CSMD1: variants seen among roughly 807,000 people sequenced by gnomAD.
The protein encoded by CSMD1 is CUB and Sushi multiple domains 1.
Under a neutral mutation model 417.5 loss-of-function variants are expected in CSMD1, and 213 were observed. The ratio of observed to expected loss-of-function variants is 0.51; its 90% CI spans 0.46 to 0.57. The LOEUF is 0.57. CSMD1 is among the 20% of genes least tolerant of loss of function. The pLI is 0.00. For synonymous variants in CSMD1, 2,862 were observed against 1,736.8 expected (o/e 1.65, Z -16.11); for missense variants, 6,923 against 4,529.7 (o/e 1.53, Z -15.17).
chr8:4,100,971 C>T (rs1801274812), intron 3 of CSMD1, among the ~76,000 whole-genome samples: 1 of 152,154 alleles, frequency 6.6e-6, no homozygotes, highest in South Asian at 2.1e-4. Context: ...ACTCCATCAG[C>T]ACAATACTGA....
intron 50 of CSMD1, among the ~76,000 whole-genome samples, chr8:3,049,393 T>C (rs563831808): frequency 6.6e-6 from 1 of 152,242 alleles, no homozygotes; most frequent in South Asian, 2.1e-4. Flanking sequence ...TGGAATATTG[T>C]TCAGTACTAA....
chr8:3,642,117 G>A (rs1022243534), intron 7 of CSMD1, among the ~76,000 whole-genome samples: 1 of 151,606 alleles, frequency 6.6e-6, no homozygotes, highest in Non-Finnish European at 1.5e-5. Context: ...CACTCAAAAT[G>A]GAAACTGGAA....
chr8:3,427,897 G>A (rs2406298), intron 12 of CSMD1, among the ~76,000 whole-genome samples: 8,508 of 152,252 alleles, frequency 0.056, 315 homozygotes, highest in East Asian at 0.17. Context: ...CAGTTTATGA[G>A]CTCAACTGAT....
chr8:3,135,363 T>C (rs1487479494), intron 41 of CSMD1, among the ~76,000 whole-genome samples: 4 of 152,250 alleles, frequency 2.6e-5, no homozygotes, highest in Admixed American at 6.5e-5. Context: ...ATATGTATTA[T>C]GTTGTTTTTC....
chr8:4,661,343 G>T (rs572925101), intron 1 of CSMD1, among the ~76,000 whole-genome samples: 92 of 152,194 alleles, frequency 6.0e-4, no homozygotes, highest in African/African-American at 2.2e-3. Flanking sequence ...GCCATATACT[G>T]GATACATCTT....
chr8:4,724,562 G>GTT lies in CSMD1; in HGVS notation c.86-87006_86-87005dup, dbSNP rs1554458112. On this transcript the variant is annotated intron_variant, in intron 1 of 69. Transcript: ENST00000635120. ...TGTGTGTGTGTGTGTGTGTGTGTGT[G>GTT]TTTATACTCCCAGTGAAATTCTGTT... 8.1e-3 allele frequency among the ~76,000 whole-genome samples: 1,145 copies of GTT among 142,022 alleles called. 23 individuals are homozygous for GTT. The highest frequency in any genetic ancestry group is 0.03 in the African/African-American group (1,096 of 36,388). The allele number at this position is 142,022 out of a possible 152,430, so 93.2% of individuals were successfully genotyped here.
chr8:3,280,656 T>C (rs1479303059), intron 26 of CSMD1, among the ~76,000 whole-genome samples: 2 of 152,174 alleles, frequency 1.3e-5, no homozygotes, highest in African/African-American at 4.8e-5. Context: ...CATTCAATCA[T>C]TTTTTACGTA....
intron 7 of CSMD1, among the ~76,000 whole-genome samples, chr8:3,638,199 G>C (rs141568644): frequency 1.7e-4 from 26 of 152,224 alleles, no homozygotes; most frequent in African/African-American, 5.5e-4. Context: ...AGTTCAGCAA[G>C]TCTTGGAGTT....
At chr8:4,710,822 G>C (rs1181085854) in intron 1 of CSMD1, among the ~76,000 whole-genome samples, 1 of 151,556 alleles carries the variant, frequency 6.6e-6, no homozygotes, top group Non-Finnish European at 1.5e-5. Flanking sequence ...TCTAGCCTGG[G>C]AGACAGAGTA....
At chr8:4,301,085 A>T (rs953237344) in intron 3 of CSMD1, among the ~76,000 whole-genome samples, 2 of 152,196 alleles carry the variant, frequency 1.3e-5, no homozygotes, top group African/African-American at 4.8e-5. Flanking sequence ...GTGGATGCCT[A>T]ATGAGTTCCC....
chr8:3,182,010 A>G (rs1045258793), intron 36 of CSMD1, among the ~76,000 whole-genome samples: 1 of 152,216 alleles, frequency 6.6e-6, no homozygotes, highest in Non-Finnish European at 1.5e-5. Context: ...ATACTCTAGT[A>G]AAAACATTCT....
intron 12 of CSMD1, among the ~76,000 whole-genome samples, chr8:3,443,009 G>C (rs993690337): frequency 6.6e-6 from 1 of 152,104 alleles, no homozygotes; most frequent in Non-Finnish European, 1.5e-5. Context: ...ATAGGAACTT[G>C]CATATTTCTG....
chr8:3,990,077 G>A (rs2688274), intron 5 of CSMD1, among the ~76,000 whole-genome samples: 14,526 of 152,200 alleles, frequency 0.095, 719 homozygotes, highest in East Asian at 0.13. Context: ...TGGAGTGGGC[G>A]CAATGGCCCC....
At chr8:4,180,626 C>G (rs1280416429) in intron 3 of CSMD1, among the ~76,000 whole-genome samples, 2 of 151,274 alleles carry the variant, frequency 1.3e-5, no homozygotes, top group Admixed American at 6.6e-5. Flanking sequence ...CAAAACAGAA[C>G]AAAACAAAAC....
chr8:4,765,848 G>A (rs1407256338), intron 1 of CSMD1, among the ~76,000 whole-genome samples: 2 of 152,128 alleles, frequency 1.3e-5, no homozygotes, highest in Non-Finnish European at 2.9e-5. Context: ...CTTAGTAACT[G>A]GGCTGATTTC....
intron 7 of CSMD1, among the ~76,000 whole-genome samples, chr8:3,650,057 C>T (rs2981361): frequency 0.44 from 67,467 of 151,918 alleles, 15,159 homozygotes; most frequent in Middle Eastern, 0.5. Flanking sequence ...GGCGGGCAGA[C>T]CACTTGAGGT....
At chr8:3,191,768 G>C (rs940069397) in intron 33 of CSMD1, among the ~76,000 whole-genome samples, 2 of 152,128 alleles carry the variant, frequency 1.3e-5, no homozygotes. Context: ...CATCACACTA[G>C]GCAAACTCTG....
At chr8:3,817,243 C>G (rs929883005) in intron 5 of CSMD1, among the ~76,000 whole-genome samples, 2 of 79,996 alleles carry the variant, frequency 2.5e-5, no homozygotes, top group Non-Finnish European at 5.1e-5. Context: ...GTGGTCATAT[C>G]TTCTTCTTCT....
chr8:4,446,606 T>G (rs915089932), intron 2 of CSMD1, among the ~76,000 whole-genome samples: 1 of 152,148 alleles, frequency 6.6e-6, no homozygotes, highest in Non-Finnish European at 1.5e-5. Flanking sequence ...CAGGCTGCAG[T>G]GCAGCAGCGC....
Sources: allele counts gnomAD v4.1 joint callset (sites outside exome capture counted in the v4.1 genomes callset), GRCh38; gene constraint gnomAD v4.1.1; transcripts MANE v1.5; gene names NCBI Gene and HGNC (gene_info 2026-07-23, HGNC 2026-07-21).